MTARC2: variants seen among roughly 807,000 people sequenced by gnomAD.
The protein encoded by MTARC2 is mitochondrial amidoxime reducing component 2, also known as MOCO sulphurase C-terminal domain containing 2.
Under a neutral mutation model 35.6 loss-of-function variants are expected in MTARC2, and 27 were observed. The observed-to-expected ratio is 0.76, with a 90% confidence interval of 0.56 to 1.04. The LOEUF is 1.04. Ranked by LOEUF, MTARC2 falls within the 50% of genes least tolerant of loss-of-function variation. The probability of loss-of-function intolerance (pLI) is 0.00; values close to 1 mark genes in which losing one functional copy is unlikely to be tolerated. For missense variants in MTARC2, 412 were observed against 432.5 expected (o/e 0.95, Z 0.42); for synonymous variants, 158 against 167.1 (o/e 0.95, Z 0.42).
chr1:220,784,296 A>G lies in MTARC2; in HGVS notation c.*409A>G, dbSNP rs1672156672. ...TGTGCCTTTTATTACCTATCAGTCT[A>G]TGTTTTGGGAGAAATGGGAAGCAAC... On this transcript the variant is annotated 3_prime_UTR_variant, in exon 8 of 8. Coordinates refer to ENST00000366913, the MANE Select transcript of MTARC2 (RefSeq NM_017898.5). The G allele has an allele frequency of 4.2e-6, 1 of 238,644 alleles. No individual in the cohort carries two copies. The highest frequency in any genetic ancestry group is 5.2e-5 in the Admixed American group (1 of 19,172). 14.8% of individuals were successfully genotyped at this position (238,644 alleles called of 1,614,324 possible). A position where few individuals can be genotyped will look rare whatever the true frequency, so the allele number is the denominator to read the frequency against.
Position 220,748,820 on chromosome 1 carries a change from G to C in MTARC2, c.272+17G>C, listed in dbSNP as rs1671054097. On this transcript the variant is annotated intron_variant, in intron 1 of 7. Transcript: ENST00000366913. The stretch of plus-strand genomic sequence containing the variant: ...GCGGGACAGGTACAGCACAGCGCGG[G>C]CGCGGGGCAGCGCGGAGCCTGCCTG... 6.4e-7 allele frequency: 1 copy of C among 1,556,068 alleles called. No homozygotes were observed. The highest frequency in any genetic ancestry group is 8.7e-7 in the Non-Finnish European group (1 of 1,153,498).
intron 4 of MTARC2, 141 bp downstream of exon 4, chr1:220,763,191 C>T (rs1365583602): frequency 7.3e-6 from 9 of 1,225,004 alleles, no homozygotes; most frequent in East Asian, 2.5e-5. Flanking sequence ...TCATTGCTTG[C>T]GGAGTTGTTC....
At chr1:220,777,270 A>G (rs916962703) in intron 4 of MTARC2, among the ~76,000 whole-genome samples, 1 of 152,190 alleles carries the variant, frequency 6.6e-6, no homozygotes, top group African/African-American at 2.4e-5. Flanking sequence ...CATGCCCTGT[A>G]GGAGATTTCT....
At chr1:220,772,787 G>T (rs1671780696) in intron 4 of MTARC2, among the ~76,000 whole-genome samples, 1 of 152,074 alleles carries the variant, frequency 6.6e-6, no homozygotes, top group South Asian at 2.1e-4. Context: ...CCATGGCATG[G>T]TCTTTCTTTA....
intron 4 of MTARC2, among the ~76,000 whole-genome samples, chr1:220,764,457 C>A (rs1342489740): frequency 6.6e-6 from 1 of 152,112 alleles, no homozygotes; most frequent in Non-Finnish European, 1.5e-5. Context: ...TATAAACCAT[C>A]GTACATGTAG....
rs781309249 is a variant in MTARC2, at chr1:220,780,077, C to T, written c.810C>T (p.Pro270=). Residue 270 remains proline (P), a splice_region_variant and synonymous_variant, in exon 5 of 8, where the codon CCC becomes CCT. Coordinates refer to ENST00000366913, the MANE Select transcript of MTARC2 (RefSeq NM_017898.5). Reference sequence around the variant, plus strand: ...AAGTGAAAAAGGTAATGGCATGCCCCAGGTAAGGAGCCTAGCTAGACCCCA... The same window carrying T: ...AAGTGAAAAAGGTAATGGCATGCCCTAGGTAAGGAGCCTAGCTAGACCCCA... ...SVEVKKVMAC[P]RCILTTVDPD... 3.2e-6 allele frequency: 5 copies of T among 1,553,790 alleles called. No individual in the cohort carries two copies. The highest frequency in any genetic ancestry group is 2.6e-6 in the Non-Finnish European group (3 of 1,159,152).
At chr1:220,754,184 C>T (rs902478634) in intron 1 of MTARC2, among the ~76,000 whole-genome samples, 1 of 152,126 alleles carries the variant, frequency 6.6e-6, no homozygotes, top group Non-Finnish European at 1.5e-5. Flanking sequence ...ACAGCCCCAA[C>T]CTATATGCTA....
intron 4 of MTARC2, among the ~76,000 whole-genome samples, chr1:220,766,370 A>G (rs759147679): frequency 9.9e-4 from 151 of 152,304 alleles, no homozygotes; most frequent in Non-Finnish European, 1.9e-3. Context: ...CTAGTTTCCC[A>G]CATTGTCTAG....
chr1:220,779,799 G>A (rs1045532835), intron 4 of MTARC2, among the ~76,000 whole-genome samples: 7 of 152,168 alleles, frequency 4.6e-5, no homozygotes, highest in African/African-American at 7.2e-5. Flanking sequence ...TCATCCCTGC[G>A]ATGATGGAAT....
chr1:220,771,379 A>G (rs1671740849), intron 4 of MTARC2, among the ~76,000 whole-genome samples: 1 of 151,258 alleles, frequency 6.6e-6, no homozygotes, highest in African/African-American at 2.4e-5. Context: ...GTCCCAAACA[A>G]CAGATGCCTC....
intron 3 of MTARC2, among the ~76,000 whole-genome samples, chr1:220,762,616 A>T (rs1200721677): frequency 6.6e-6 from 1 of 152,114 alleles, no homozygotes; most frequent in Admixed American, 6.5e-5. Flanking sequence ...CTGTTTGAGG[A>T]TGATGGGGGA....
At position 220,784,038 on chromosome 1, in the gene MTARC2, C is replaced by G; in HGVS notation, c.*151C>G. ...CCTGGAAAACAATCTCGATTTTTGA[C>G]TTTTCAAAGTTGTGTATGCTCCAGG... is the stretch of plus-strand genomic sequence containing the variant. On this transcript the variant is annotated 3_prime_UTR_variant, in exon 8 of 8. Coordinates refer to ENST00000366913, the MANE Select transcript of MTARC2 (RefSeq NM_017898.5). The G allele has an allele frequency of 2.8e-6, 2 of 711,410 alleles. No homozygotes were observed. The highest frequency in any genetic ancestry group is 5.2e-6 in the Non-Finnish European group (2 of 381,530). 44.1% of individuals were successfully genotyped at this position (711,410 alleles called of 1,614,324 possible).
chr1:220,770,540 G>A (rs957348667), intron 4 of MTARC2: 61 of 985,340 alleles, frequency 6.2e-5, no homozygotes, highest in Non-Finnish European at 6.9e-5. Context: ...TGTTGGAGTA[G>A]AGACGGCAGA....
chr1:220,767,081 C>T (rs1671600176), intron 4 of MTARC2, among the ~76,000 whole-genome samples: 1 of 152,018 alleles, frequency 6.6e-6, no homozygotes, highest in African/African-American at 2.4e-5. Context: ...CTATGATGGG[C>T]TTACAGAAGT....
chr1:220,759,758 A>G (rs3820354), intron 2 of MTARC2, among the ~76,000 whole-genome samples: 1 of 152,030 alleles, frequency 6.6e-6, no homozygotes, highest in Non-Finnish European at 1.5e-5. Context: ...TGTAGAGCCA[A>G]GAATTAATCA....
At chr1:220,758,644 C>T (rs1671349251) in intron 2 of MTARC2, among the ~76,000 whole-genome samples, 1 of 152,144 alleles carries the variant, frequency 6.6e-6, no homozygotes, top group Admixed American at 6.5e-5. Context: ...TTCTCGAACT[C>T]CTGACCTCAA....
At chr1:220,773,213 T>C (rs1363502425) in intron 4 of MTARC2, among the ~76,000 whole-genome samples, 3 of 152,168 alleles carry the variant, frequency 2.0e-5, no homozygotes, top group Non-Finnish European at 4.4e-5. Context: ...CAGTCACCAA[T>C]GGCCAATGAT....
intron 1 of MTARC2, 99 bp from the exon 2 acceptor site, chr1:220,754,848 G>A (rs1203574082): frequency 2.2e-5 from 25 of 1,111,120 alleles, no homozygotes; most frequent in African/African-American, 7.9e-5. Flanking sequence ...GTCCCAAGAC[G>A]GGGTGGGTGG....
At chr1:220,757,711 C>T (rs566745713) in intron 2 of MTARC2, among the ~76,000 whole-genome samples, 10 of 152,284 alleles carry the variant, frequency 6.6e-5, no homozygotes, top group African/African-American at 2.4e-4. Flanking sequence ...CCAATCCCAG[C>T]ATGAGGGCTC....
Sources: gnomAD v4.1 joint callset for allele counts (sites outside exome capture counted in the v4.1 genomes callset) on GRCh38, gnomAD v4.1.1 for gene constraint, MANE v1.5 for transcripts, NCBI Gene and HGNC (gene_info 2026-07-23, HGNC 2026-07-21) for gene names.